The following TANGO6 variants were observed in gnomAD, a reference collection of about 807,000 sequenced individuals.
TANGO6 encodes transport and golgi organization 6 homolog, also known as transport and Golgi organization protein 6 homolog.
Under a neutral mutation model 114.2 loss-of-function variants are expected in TANGO6, and 90 were observed. The ratio of observed to expected loss-of-function variants is 0.79; its 90% CI spans 0.66 to 0.94. TANGO6 has a LOEUF of 0.94. Among genes scored for constraint, TANGO6 ranks in the 40% least tolerant of loss-of-function variants. The pLI is 0.00. For missense variants in TANGO6, 1,274 were observed against 1,315.3 expected, an observed-to-expected ratio of 0.97 and a Z score of 0.49; for synonymous variants, 477 against 509.8, an observed-to-expected ratio of 0.94 and a Z score of 0.87.
At chr16:68,992,898 G>A (rs1259542188) in intron 15 of TANGO6, among the ~76,000 whole-genome samples, 2 of 151,994 alleles carry the variant, frequency 1.3e-5, no homozygotes, top group East Asian at 1.9e-4. Flanking sequence ...GTGAAACCCC[G>A]TCTCTACTAG....
intron 15 of TANGO6, among the ~76,000 whole-genome samples, chr16:68,988,891 G>A (rs905914709): frequency 4.0e-5 from 6 of 151,806 alleles, no homozygotes; most frequent in Admixed American, 6.6e-5. Context: ...TGGGGGGACC[G>A]GATGTCACTC....
At chr16:68,990,446 G>A (rs1470828873) in intron 15 of TANGO6, among the ~76,000 whole-genome samples, 3 of 152,102 alleles carry the variant, frequency 2.0e-5, no homozygotes, top group African/African-American at 4.8e-5. Flanking sequence ...AACAGTATGG[G>A]GGAAACCGCC....
At chr16:68,871,086 C>T (rs540889247) in intron 4 of TANGO6, among the ~76,000 whole-genome samples, 17 of 152,094 alleles carry the variant, frequency 1.1e-4, no homozygotes, top group East Asian at 5.8e-4. Context: ...CCACCGCACC[C>T]GGCCTGGCAA....
chr16:69,070,355 A>C lies in TANGO6; in HGVS notation c.3109-13130A>C, dbSNP rs1960279807. On this transcript the variant is annotated intron_variant, in intron 17 of 17. Transcript: ENST00000261778. Reference sequence around the variant, plus strand: ...TAGGATAGAAAAAGATCTTGGGGCCAGGCGCAGTGGCTCACGCCTGTAATC... The same window carrying C: ...TAGGATAGAAAAAGATCTTGGGGCCCGGCGCAGTGGCTCACGCCTGTAATC... Among the ~76,000 whole-genome samples the C allele has an allele frequency of 3.3e-5, 5 of 151,992 alleles. No homozygotes were observed. In the South Asian group the frequency reaches 6.3e-4, roughly 19 times the overall value.
chr16:69,062,750 G>A (rs1960140994), intron 17 of TANGO6, among the ~76,000 whole-genome samples: 1 of 146,252 alleles, frequency 6.8e-6, no homozygotes, highest in Non-Finnish European at 1.5e-5. Flanking sequence ...TGGGATTACA[G>A]GCATGAGCCA....
chr16:68,956,619 G>A (rs1249596357), intron 14 of TANGO6, among the ~76,000 whole-genome samples: 2 of 152,088 alleles, frequency 1.3e-5, no homozygotes, highest in Non-Finnish European at 2.9e-5. Context: ...TTGGGAGGCC[G>A]AGGCAGTTGG....
At chr16:69,077,958 C>T (rs1737547821) in intron 17 of TANGO6, among the ~76,000 whole-genome samples, 1 of 151,760 alleles carries the variant, frequency 6.6e-6, no homozygotes, top group Non-Finnish European at 1.5e-5. Flanking sequence ...TTTTTTATAC[C>T]ACCAGCCTGC....
chr16:69,063,664 A>AAC, intron 17 of TANGO6, among the ~76,000 whole-genome samples: 1 of 149,014 alleles, frequency 6.7e-6, no homozygotes, highest in African/African-American at 2.4e-5. Flanking sequence ...AAAAAAAAAA[A>AAC]AAAAAACAAA....
chr16:69,056,997 C>CTTTTTTTTTTTTT (rs71148961), intron 17 of TANGO6, among the ~76,000 whole-genome samples: 1 of 59,822 alleles, frequency 1.7e-5, no homozygotes, highest in Non-Finnish European at 3.1e-5. Flanking sequence ...GCCTGATTTT[C>CTTTTTTTTTTTTT]TTTTTTTTTT....
chr16:69,031,949 C>T (rs1308500082), intron 16 of TANGO6, among the ~76,000 whole-genome samples: 1 of 151,930 alleles, frequency 6.6e-6, no homozygotes, highest in Non-Finnish European at 1.5e-5. Context: ...AGGAATGAGT[C>T]ACTCCGCCCA....
At chr16:68,965,134 C>A (rs1963632538) in intron 14 of TANGO6, among the ~76,000 whole-genome samples, 1 of 151,576 alleles carries the variant, frequency 6.6e-6, no homozygotes, top group Non-Finnish European at 1.5e-5. Flanking sequence ...CTATGAAATG[C>A]AAAATACTTG....
At chr16:68,884,774 G>T (rs892792326) in intron 7 of TANGO6, among the ~76,000 whole-genome samples, 1 of 152,080 alleles carries the variant, frequency 6.6e-6, no homozygotes, top group Non-Finnish European at 1.5e-5. Context: ...AACAGAGAGA[G>T]ATCTGGAAAT....
At chr16:68,862,835 G>A (rs1483610019) in intron 2 of TANGO6, 110 bp from the exon 3 acceptor site, 2 of 752,230 alleles carry the variant, frequency 2.7e-6, no homozygotes, top group Non-Finnish European at 4.7e-6. Context: ...GAGGATAGAA[G>A]CCTTCTTTCC....
chr16:68,975,433 C>T (rs775218726), intron 15 of TANGO6, among the ~76,000 whole-genome samples: 8 of 151,810 alleles, frequency 5.3e-5, no homozygotes, highest in Non-Finnish European at 1.2e-4. Context: ...TGTTTTCAGG[C>T]TAGTCTCAAA....
At chr16:68,943,509 G>T (rs1419789888) in intron 14 of TANGO6, among the ~76,000 whole-genome samples, 1 of 151,788 alleles carries the variant, frequency 6.6e-6, no homozygotes, top group Non-Finnish European at 1.5e-5. Context: ...GACTACAGGT[G>T]CCTGCCACCA....
intron 17 of TANGO6, among the ~76,000 whole-genome samples, chr16:69,080,816 T>C (rs1025157659): frequency 1.3e-5 from 2 of 152,194 alleles, no homozygotes; most frequent in Admixed American, 6.6e-5. Context: ...TCTAACCCTC[T>C]GTTTCTGCAA....
At chr16:69,011,700 C>T (rs1470036363) in intron 15 of TANGO6, among the ~76,000 whole-genome samples, 1 of 152,210 alleles carries the variant, frequency 6.6e-6, no homozygotes, top group Non-Finnish European at 1.5e-5. Flanking sequence ...TCAAGCCATC[C>T]TCCCACCTCA....
intron 11 of TANGO6, 86 bp from the exon 12 acceptor site, chr16:68,918,999 G>A (rs949739678): frequency 6.9e-7 from 1 of 1,454,856 alleles, no homozygotes; most frequent in Non-Finnish European, 9.2e-7. Context: ...AGATGAAGAA[G>A]ATGAGGATGT....
chr16:68,965,090 G>T (rs927581875), intron 14 of TANGO6, among the ~76,000 whole-genome samples: 29 of 152,320 alleles, frequency 1.9e-4, no homozygotes, highest in African/African-American at 6.7e-4. Flanking sequence ...ACTTTTAAAT[G>T]TAATACACCA....
Sources: allele counts gnomAD v4.1 joint callset (sites outside exome capture counted in the v4.1 genomes callset), GRCh38; gene constraint gnomAD v4.1.1; transcripts MANE v1.5; gene names NCBI Gene and HGNC (gene_info 2026-07-23, HGNC 2026-07-21).